The following GALNT13 variants were observed in gnomAD, a reference collection of about 807,000 sequenced individuals.
GALNT13 encodes the protein UDP-GalNAc:polypeptide N-acetylgalactosaminyltransferase 13.
A neutral mutation model predicts 64.2 loss-of-function variants in GALNT13; 28 were observed. That is an observed-to-expected ratio of 0.44 (90% CI 0.32 to 0.60). GALNT13 has a LOEUF of 0.60. GALNT13 is among the 20% of genes least tolerant of loss of function. The pLI is 0.05. For synonymous variants in GALNT13, 214 were observed against 224.6 expected, an observed-to-expected ratio of 0.95 and a Z score of 0.42; for missense variants, 577 against 669.8, an observed-to-expected ratio of 0.86 and a Z score of 1.53.
chr2:153,534,482 G>A, the GALNT13 span, among the ~76,000 whole-genome samples: 2 of 150,120 alleles, frequency 1.3e-5, no homozygotes, highest in Non-Finnish European at 2.9e-5. Context: ...GGTCAGTTAG[G>A]TTCTGATAAA....
At chr2:153,109,466 T>G in the GALNT13 span, among the ~76,000 whole-genome samples, 1 of 152,190 alleles carries the variant, frequency 6.6e-6, no homozygotes, top group Non-Finnish European at 1.5e-5. Context: ...CAATTGGTTC[T>G]ATTAACATTC....
the GALNT13 span, among the ~76,000 whole-genome samples, chr2:153,400,319 C>T: frequency 2.0e-5 from 3 of 152,098 alleles, no homozygotes; most frequent in East Asian, 1.9e-4. Context: ...CTGCTGGATT[C>T]GTTTTGCCAG....
chr2:153,883,975 T>C (rs1686961652), intron 1 of GALNT13, among the ~76,000 whole-genome samples: 1 of 152,020 alleles, frequency 6.6e-6, no homozygotes, highest in Non-Finnish European at 1.5e-5. Context: ...ACTGACAATG[T>C]CACGATAAAC....
the GALNT13 span, among the ~76,000 whole-genome samples, chr2:153,193,163 G>C: frequency 6.6e-6 from 1 of 151,390 alleles, no homozygotes; most frequent in Non-Finnish European, 1.5e-5. Context: ...TATTTATTGC[G>C]GCATTATTCA....
the GALNT13 span, among the ~76,000 whole-genome samples, chr2:153,222,315 GGGGGGGGGGGGT>G: frequency 7.1e-6 from 1 of 141,264 alleles, no homozygotes; most frequent in Admixed American, 6.8e-5. Context: ...GCTGGGGGGG[GGGGGGGGGGGGT>G]GGGGTGGGGG....
intron 4 of GALNT13, among the ~76,000 whole-genome samples, chr2:154,226,287 G>A (rs561870364): frequency 1.3e-5 from 2 of 152,202 alleles, no homozygotes; most frequent in South Asian, 4.1e-4. Context: ...AGTGATCAAA[G>A]TTAACATTAG....
chr2:154,105,522 C>A (rs1296247253), intron 3 of GALNT13, among the ~76,000 whole-genome samples: 3 of 152,036 alleles, frequency 2.0e-5, no homozygotes, highest in Non-Finnish European at 4.4e-5. Flanking sequence ...TACCATATAG[C>A]CATGATGTGT....
At chr2:153,568,153 A>T in the GALNT13 span, among the ~76,000 whole-genome samples, 1 of 152,234 alleles carries the variant, frequency 6.6e-6, no homozygotes, top group Non-Finnish European at 1.5e-5. Flanking sequence ...GTTGTTTAAC[A>T]TTAAACTTCA....
the GALNT13 span, among the ~76,000 whole-genome samples, chr2:153,515,799 A>G: frequency 6.6e-6 from 1 of 152,120 alleles, no homozygotes. Flanking sequence ...AGAGAATGTT[A>G]TATGTTGAAA....
the GALNT13 span, among the ~76,000 whole-genome samples, chr2:153,424,220 A>G: frequency 6.7e-6 from 1 of 149,950 alleles, no homozygotes; most frequent in African/African-American, 2.4e-5. Flanking sequence ...TATATAAAAC[A>G]CACATTTTTC....
chr2:153,297,923 G>A, the GALNT13 span, among the ~76,000 whole-genome samples: 101 of 152,242 alleles, frequency 6.6e-4, 1 homozygote, highest in East Asian at 0.014. Context: ...AAATCCAATG[G>A]AGAGAGAAAA....
rs371819769 is a variant in GALNT13 at position 154,300,865 on chromosome 2, A to G, written c.976-544A>G. Among the ~76,000 whole-genome samples, 8 of 152,338 alleles carry G rather than the reference A, an allele frequency of 5.3e-5. No homozygotes were observed. In the East Asian group the frequency reaches 1.4e-3, roughly 26 times the overall value. ...ACTAAATCTCCCCCCAGAGCTTTCT[A>G]GAAGAAATGATCTTGGTGAAGATGA... is the stretch of plus-strand genomic sequence containing the variant. On this transcript the variant is annotated intron_variant, in intron 8 of 12. Coordinates refer to ENST00000392825, the MANE Select transcript of GALNT13 (RefSeq NM_052917.4).
At chr2:154,442,694 CCAAT>C (rs1701360693) in intron 12 of GALNT13, among the ~76,000 whole-genome samples, 2 of 151,934 alleles carry the variant, frequency 1.3e-5, no homozygotes, top group Non-Finnish European at 2.9e-5. Flanking sequence ...TAATTATGTT[CCAAT>C]CAATTTAGAA....
At chr2:153,983,845 G>C (rs1170244564) in intron 3 of GALNT13, among the ~76,000 whole-genome samples, 1 of 151,878 alleles carries the variant, frequency 6.6e-6, no homozygotes, top group Non-Finnish European at 1.5e-5. Context: ...TTTCAATAAA[G>C]GTATCACTTA....
the GALNT13 span, among the ~76,000 whole-genome samples, chr2:153,399,640 A>T: frequency 1.3e-5 from 2 of 151,690 alleles, no homozygotes; most frequent in African/African-American, 2.4e-5. Flanking sequence ...GGTCCTTCAC[A>T]TCCCTTGTAA....
chr2:154,449,073 A>T (rs1183719250), intron 12 of GALNT13, among the ~76,000 whole-genome samples: 2 of 151,952 alleles, frequency 1.3e-5, no homozygotes, highest in African/African-American at 4.8e-5. Flanking sequence ...TTCTGGCATA[A>T]TAAGCATAAA....
At chr2:153,525,858 A>T in the GALNT13 span, among the ~76,000 whole-genome samples, 1 of 152,110 alleles carries the variant, frequency 6.6e-6, no homozygotes, top group East Asian at 1.9e-4. Context: ...GAGAGCATTC[A>T]CCACAAGCTG....
chr2:153,908,951 G>C (rs1428689777), intron 2 of GALNT13, among the ~76,000 whole-genome samples: 1 of 152,010 alleles, frequency 6.6e-6, no homozygotes, highest in Non-Finnish European at 1.5e-5. Context: ...TAGTTTGATA[G>C]GGATAGCATT....
At chr2:153,918,885 A>G (rs1226037068) in intron 2 of GALNT13, among the ~76,000 whole-genome samples, 1 of 152,120 alleles carries the variant, frequency 6.6e-6, no homozygotes, top group African/African-American at 2.4e-5. Context: ...AATGTCTCCA[A>G]GATTTTTCAA....
Sources: allele counts gnomAD v4.1 joint callset (sites outside exome capture counted in the v4.1 genomes callset), GRCh38; gene constraint gnomAD v4.1.1; transcripts MANE v1.5; gene names NCBI Gene and HGNC (gene_info 2026-07-23, HGNC 2026-07-21).